Variants in RBFOX2 observed in about 807,000 individuals in gnomAD.
The protein encoded by RBFOX2 is RNA binding protein fox-1 homolog 2.
RBFOX2 carries 10 observed loss-of-function variants against 49.1 expected under a neutral mutation model. The observed-to-expected ratio is 0.20, with a 90% confidence interval of 0.13 to 0.35. RBFOX2 has a LOEUF of 0.35. Among genes scored for constraint, RBFOX2 ranks in the 10% least tolerant of loss-of-function variants. RBFOX2 has a pLI of 1.00. For missense variants in RBFOX2, 323 were observed against 486.9 expected, an observed-to-expected ratio of 0.66 and a Z score of 3.17; for synonymous variants, 183 against 187.4, an observed-to-expected ratio of 0.98 and a Z score of 0.19.
chr22:35,816,569 A>G (rs1157390761), intron 1 of RBFOX2, among the ~76,000 whole-genome samples: 2 of 152,186 alleles, frequency 1.3e-5, no homozygotes, highest in East Asian at 3.8e-4. Flanking sequence ...TGAGAGGAAA[A>G]ATCTATACAA....
At chr22:35,779,864 T>A (rs1321269610) in intron 3 of RBFOX2, among the ~76,000 whole-genome samples, 1 of 152,168 alleles carries the variant, frequency 6.6e-6, no homozygotes. Flanking sequence ...AAGGGCATAA[T>A]ACATTTCAAG....
intron 1 of RBFOX2, among the ~76,000 whole-genome samples, chr22:35,849,709 G>A (rs2041684435): frequency 6.6e-6 from 1 of 152,104 alleles, no homozygotes; most frequent in Non-Finnish European, 1.5e-5. Flanking sequence ...AAAGGAACTA[G>A]GTAGCACCAA....
intron 1 of RBFOX2, among the ~76,000 whole-genome samples, chr22:35,867,886 A>G (rs2043873934): frequency 6.6e-6 from 1 of 152,202 alleles, no homozygotes; most frequent in African/African-American, 2.4e-5. Flanking sequence ...TGCCAACGTA[A>G]TATCCAACAC....
chr22:35,780,771 G>A (rs2147113167), intron 3 of RBFOX2, among the ~76,000 whole-genome samples: 1 of 152,286 alleles, frequency 6.6e-6, no homozygotes, highest in Admixed American at 6.5e-5. Context: ...AAGGTTACAT[G>A]AATTCCAAAG....
chr22:35,878,347 G>A (rs1407461106), intron 1 of RBFOX2, among the ~76,000 whole-genome samples: 1 of 152,054 alleles, frequency 6.6e-6, no homozygotes, highest in African/African-American at 2.4e-5. Context: ...GCAGTGAGCC[G>A]AGATCATGTC....
chr22:35,951,156 G>A (rs867866425), intron 1 of RBFOX2, among the ~76,000 whole-genome samples: 9 of 148,000 alleles, frequency 6.1e-5, no homozygotes, highest in African/African-American at 1.3e-4. Flanking sequence ...GGGTTTCACC[G>A]TGTTAGCCAG....
At position 35,877,837 on chromosome 22, in the gene RBFOX2, G is replaced by A. The variant is rs184507657; in HGVS notation, c.-34+61010C>T. On this transcript the variant is annotated intron_variant, in intron 1 of 13. Transcript: ENST00000359369. ...GAGTTCTACCACTATAAATTCTATAGTTACTAAGTATTCCGTTACTGAAAA... is the reference window on the plus strand; with the variant it reads ...GAGTTCTACCACTATAAATTCTATAATTACTAAGTATTCCGTTACTGAAAA... Among the ~76,000 whole-genome samples the A allele has an allele frequency of 1.1e-4, 16 of 151,968 alleles. No homozygotes were observed. In the East Asian group the frequency reaches 2.5e-3, roughly 24 times the overall value.
intron 1 of RBFOX2, among the ~76,000 whole-genome samples, chr22:36,020,913 T>G (rs1308901803): frequency 6.6e-6 from 1 of 152,164 alleles, no homozygotes; most frequent in Non-Finnish European, 1.5e-5. Context: ...TCCAAAGGAT[T>G]ATAAATCATG....
At chr22:35,975,965 G>T (rs1405107081) in intron 1 of RBFOX2, among the ~76,000 whole-genome samples, 1 of 152,146 alleles carries the variant, frequency 6.6e-6, no homozygotes. Context: ...TAGAATTCTA[G>T]TTTTTCCTCC....
Position 36,016,762 on chromosome 22 carries a change from A to G in RBFOX2, c.186+11478T>C, listed in dbSNP as rs555695220. Among the ~76,000 whole-genome samples, 12 of 152,328 alleles carry G rather than the reference A, an allele frequency of 7.9e-5. No homozygotes were observed. The South Asian group carries it at 2.3e-3, about 29-fold the overall frequency. On this transcript the variant is annotated intron_variant, in intron 1 of 13. Coordinates refer to the RBFOX2 transcript ENST00000438146. ...AGTTATTCCATCACCATCATTTGAC[A>G]ATTCAAGAATGTCATCTACTTCATA...
At chr22:35,923,718 C>G (rs999469437) in intron 1 of RBFOX2, among the ~76,000 whole-genome samples, 4 of 152,020 alleles carry the variant, frequency 2.6e-5, no homozygotes, top group African/African-American at 4.8e-5. Flanking sequence ...CCTTCCCCCC[C>G]ACCCAAATAA....
chr22:35,944,760 C>T (rs2054085396), intron 1 of RBFOX2, among the ~76,000 whole-genome samples: 1 of 151,980 alleles, frequency 6.6e-6, no homozygotes. Flanking sequence ...AAATACACAA[C>T]AAAGTTAAAC....
chr22:35,841,820 C>T, upstream of RBFOX2, among the ~76,000 whole-genome samples: 1 of 152,120 alleles, frequency 6.6e-6, no homozygotes, highest in East Asian at 1.9e-4. Context: ...TTCAAAATAA[C>T]AAATCACACT....
At chr22:35,924,788 A>C (rs2051427521) in intron 1 of RBFOX2, among the ~76,000 whole-genome samples, 2 of 152,258 alleles carry the variant, frequency 1.3e-5, no homozygotes, top group African/African-American at 4.8e-5. Context: ...AAAACTAAGA[A>C]GCATGAGAGA....
At chr22:35,746,514 T>C in exon 10 of RBFOX2, 1 of 1,610,768 alleles carries the variant, frequency 6.2e-7, no homozygotes, top group South Asian at 1.1e-5. Flanking sequence ...CAGCGGTGGC[T>C]GCGGTTGCAG....
chr22:35,788,298 C>T lies in RBFOX2; in HGVS notation c.253-6552G>A, dbSNP rs147639978. Among the ~76,000 whole-genome samples, 403 of 152,218 alleles carry T rather than the reference C, an allele frequency of 2.6e-3. 4 individuals are homozygous for T. Among genetic ancestry groups the T allele is most frequent in the African/African-American group, 9.1e-3 (377 of 41,530 alleles). On this transcript the variant is annotated intron_variant, in intron 2 of 11. Transcript: ENST00000405409. Reference sequence around the variant, plus strand: ...CTATCAGATTAAGATTAAACACATACGACTCTGATATAGATACTAAGGAAT... The same window carrying T: ...CTATCAGATTAAGATTAAACACATATGACTCTGATATAGATACTAAGGAAT...
intron 1 of RBFOX2, among the ~76,000 whole-genome samples, chr22:35,989,383 G>A (rs185951792): frequency 2.0e-5 from 3 of 152,298 alleles, no homozygotes; most frequent in African/African-American, 7.2e-5. Flanking sequence ...TACAAGAGAA[G>A]CCAGGGGAAG....
chr22:35,751,993 A>G lies in RBFOX2; in HGVS notation c.888-5432T>C, dbSNP rs1441601093. Among the ~76,000 whole-genome samples the G allele has an allele frequency of 4.6e-5, 7 of 152,244 alleles. No individual in the cohort carries two copies. In the South Asian group the frequency reaches 1.2e-3, roughly 27 times the overall value. ...ATTTTCTTTCTCCTAGCATCCAGCT[A>G]TCAGCAATCCTTCTAACAAGTATGC... On this transcript the variant is annotated intron_variant, in intron 9 of 11. Coordinates refer to ENST00000405409, the Ensembl canonical transcript of RBFOX2.
chr22:35,821,989 T>A (rs754629143), intron 1 of RBFOX2: 15 of 518,224 alleles, frequency 2.9e-5, no homozygotes, highest in African/African-American at 2.9e-4. Flanking sequence ...ACAACCTTCC[T>A]GAAGACTTCC....
Sources: allele counts gnomAD v4.1 joint callset (sites outside exome capture counted in the v4.1 genomes callset), GRCh38; gene constraint gnomAD v4.1.1; transcripts MANE v1.5; gene names NCBI Gene and HGNC (gene_info 2026-07-23, HGNC 2026-07-21).